JCAD: variants seen among roughly 807,000 people sequenced by gnomAD.
JCAD encodes the protein junctional cadherin 5 associated, also known as junctional cadherin 5-associated protein.
Under a neutral mutation model 98.0 loss-of-function variants are expected in JCAD, and 40 were observed. The observed-to-expected ratio is 0.41, with a 90% CI of 0.32 to 0.53. The LOEUF (loss-of-function observed/expected upper bound fraction) is 0.53, where lower values mean the gene tolerates loss of function less well. Among genes scored for constraint, JCAD ranks in the 20% least tolerant of loss-of-function variants. The pLI is 0.31. For missense variants in JCAD, 1,705 were observed against 1,738.1 expected (o/e 0.98, Z 0.34); for synonymous variants, 691 against 682.3 (o/e 1.01, Z -0.20).
rs1250465856 is a variant in JCAD, at chr10:30,015,767, T to TA, written c.*2115dup. ...AACGGAGTTCATATACATGTATGGG[T>TA]ATGTGTGCATACATGTACGAGTATA... On this transcript the variant is annotated 3_prime_UTR_variant, in exon 4 of 4. Transcript: ENST00000375377. 1 of 152,200 alleles carries TA rather than the reference T, an allele frequency of 6.6e-6. No homozygotes were observed. Among genetic ancestry groups the TA allele is most frequent in the South Asian group, 2.1e-4 (1 of 4,824 alleles). The allele number at this position is 152,200 out of a possible 1,614,324, so 9.4% of individuals were successfully genotyped here.
At chr10:30,115,112 C>T (rs779354414) in intron 1 of JCAD, among the ~76,000 whole-genome samples, 1 of 152,164 alleles carries the variant, frequency 6.6e-6, no homozygotes, top group African/African-American at 2.4e-5. Context: ...CAACCAAATG[C>T]GATGCGGCGA....
chr10:30,109,200 G>A (rs1006025669), intron 1 of JCAD, among the ~76,000 whole-genome samples: 7 of 152,276 alleles, frequency 4.6e-5, no homozygotes, highest in South Asian at 4.2e-4. Context: ...TTGGCGGAGC[G>A]GAATTGGCCT....
rs1159191302 is a variant in JCAD at position 30,028,976 on chromosome 10, G to T, written c.1172C>A (p.Pro391His). Residue 391 changes from proline to histidine, a missense_variant, in exon 3 of 4, where the codon CCT (proline) becomes CAT (histidine). By Grantham distance (77) the Pro-to-His change is moderately conservative. Coordinates refer to ENST00000375377, the MANE Select transcript of JCAD (RefSeq NM_020848.4). ...CACACCATACTCATTCCCAGTTCCA[G>T]GGGGGCCTGAAGGAGGCTGACCGCT... ...GASGQPPSGP[P>H]GTGNEYGVSP... The T allele has an allele frequency of 6.2e-7, 1 of 1,613,992 alleles. No individual in the cohort carries two copies. The highest frequency in any genetic ancestry group is 8.5e-7 in the Non-Finnish European group (1 of 1,180,006).
At chr10:30,050,897 C>T (rs1018269759) in intron 1 of JCAD, among the ~76,000 whole-genome samples, 1 of 152,198 alleles carries the variant, frequency 6.6e-6, no homozygotes, top group Non-Finnish European at 1.5e-5. Context: ...TCTGTACTGG[C>T]ACACTTTCAT....
At position 30,036,284 on chromosome 10, in the gene JCAD, C is replaced by T. The variant is rs190408049; in HGVS notation, c.282-6418G>A. Among the ~76,000 whole-genome samples the T allele has an allele frequency of 5.0e-3, 760 of 152,138 alleles. 6 individuals carry two copies. The highest frequency in any genetic ancestry group is 8.6e-3 in the Non-Finnish European group (582 of 67,992). On this transcript the variant is annotated intron_variant, in intron 2 of 3. Transcript: ENST00000375377. Reference sequence around the variant, plus strand: ...CACGGTGAATGAAACCCCGTCTGTACTAAAAATACAAAAAATTAGCCAGGC... The same window carrying T: ...CACGGTGAATGAAACCCCGTCTGTATTAAAAATACAAAAAATTAGCCAGGC...
chr10:30,104,759 T>A (rs1838538623), intron 1 of JCAD, among the ~76,000 whole-genome samples: 1 of 151,322 alleles, frequency 6.6e-6, no homozygotes, highest in African/African-American at 2.4e-5. Flanking sequence ...ATTAAAAACA[T>A]ATGCTTGTCA....
chr10:30,029,977 C>T (rs558751584), intron 2 of JCAD, 111 bp from the exon 3 acceptor site: 1 of 1,228,676 alleles, frequency 8.1e-7, no homozygotes, highest in Admixed American at 2.6e-5. Context: ...AAACTTGGTT[C>T]CCAGCCACAG....
chr10:30,084,714 C>T (rs980216031), intron 1 of JCAD, among the ~76,000 whole-genome samples: 1 of 152,158 alleles, frequency 6.6e-6, no homozygotes, highest in Non-Finnish European at 1.5e-5. Context: ...ATTCTCAACT[C>T]ACGCTGAAGA....
At chr10:30,075,857 G>A (rs1372708481) in intron 1 of JCAD, among the ~76,000 whole-genome samples, 1 of 152,152 alleles carries the variant, frequency 6.6e-6, no homozygotes, top group Non-Finnish European at 1.5e-5. Flanking sequence ...ATGCATTTGG[G>A]TCTACTCCGT....
At chr10:30,031,217 C>T (rs918166299) in intron 2 of JCAD, among the ~76,000 whole-genome samples, 2 of 152,048 alleles carry the variant, frequency 1.3e-5, no homozygotes, top group Non-Finnish European at 2.9e-5. Context: ...GCCTCAAACT[C>T]CTGGGCTCAA....
rs773570477 is a variant in JCAD at position 30,013,858 on chromosome 10, C to G, written c.*4025G>C. 1.3e-5 allele frequency: 2 copies of G among 152,198 alleles called. No homozygotes were observed. Among genetic ancestry groups the G allele is most frequent in the Non-Finnish European group, 2.9e-5 (2 of 68,054 alleles). The allele number at this position is 152,198 out of a possible 1,614,324, so 9.4% of individuals were successfully genotyped here. On this transcript the variant is annotated 3_prime_UTR_variant, in exon 4 of 4. Coordinates refer to ENST00000375377, the MANE Select transcript of JCAD (RefSeq NM_020848.4). Reference sequence around the variant, plus strand: ...AAGTATCGCAGAGGCTTTCCAAGGTCGATGCCAGGAATCTGCAGGAGCCTT... The same window carrying G: ...AAGTATCGCAGAGGCTTTCCAAGGTGGATGCCAGGAATCTGCAGGAGCCTT...
chr10:30,048,068 C>G (rs1247792445), intron 1 of JCAD, among the ~76,000 whole-genome samples, 197 bp from the exon 2 acceptor site: 3 of 152,176 alleles, frequency 2.0e-5, no homozygotes, highest in African/African-American at 7.2e-5. Context: ...GTGGGTGTGG[C>G]TCTGACTCTA....
intron 1 of JCAD, among the ~76,000 whole-genome samples, chr10:30,101,806 T>A (rs551692182): frequency 3.3e-5 from 5 of 152,350 alleles, no homozygotes; most frequent in Admixed American, 3.3e-4. Flanking sequence ...TATCTTCACT[T>A]TGCTGTGTTT....
intron 1 of JCAD, among the ~76,000 whole-genome samples, chr10:30,099,191 C>T (rs536082478): frequency 6.6e-4 from 100 of 152,314 alleles, no homozygotes; most frequent in Non-Finnish European, 8.8e-5. Context: ...CCCAACTCAT[C>T]TTACACCTCA....
chr10:30,102,158 C>T (rs1013637225), intron 1 of JCAD, among the ~76,000 whole-genome samples: 1 of 152,048 alleles, frequency 6.6e-6, no homozygotes, highest in Non-Finnish European at 1.5e-5. Flanking sequence ...AAGATCTTAA[C>T]ATACCTTCTT....
At chr10:30,067,856 G>A (rs1837812586) in intron 2 of JCAD, among the ~76,000 whole-genome samples, 1 of 152,170 alleles carries the variant, frequency 6.6e-6, no homozygotes, top group African/African-American at 2.4e-5. Context: ...AGGTGGTGTA[G>A]CCTACTGCAT....
upstream of JCAD, among the ~76,000 whole-genome samples, chr10:30,062,652 G>A (rs193223508): frequency 4.6e-5 from 7 of 152,268 alleles, no homozygotes; most frequent in African/African-American, 1.4e-4. Context: ...CAATCACGGT[G>A]GAAGGCAAAG....
intron 1 of JCAD, among the ~76,000 whole-genome samples, chr10:30,095,145 T>C (rs1190528511): frequency 6.6e-6 from 1 of 152,170 alleles, no homozygotes; most frequent in Non-Finnish European, 1.5e-5. Flanking sequence ...GCCCTAGAAC[T>C]CTGGGTCCTT....
chr10:30,024,399 T>A (rs2132607969), intron 3 of JCAD, among the ~76,000 whole-genome samples: 1 of 152,270 alleles, frequency 6.6e-6, no homozygotes, highest in African/African-American at 2.4e-5. Context: ...GGGCATATTT[T>A]TTGAGGAGGA....
Sources: allele counts gnomAD v4.1 joint callset (sites outside exome capture counted in the v4.1 genomes callset), GRCh38; gene constraint gnomAD v4.1.1; transcripts MANE v1.5; gene names NCBI Gene and HGNC (gene_info 2026-07-23, HGNC 2026-07-21).